ATXN7L1: variants seen among roughly 807,000 people sequenced by gnomAD.
ATXN7L1 encodes the protein ataxin 7 like 1, also known as ataxin-7-like protein 1.
Under a neutral mutation model 70.8 loss-of-function variants are expected in ATXN7L1, and 15 were observed. The observed-to-expected ratio is 0.21, with a 90% CI of 0.14 to 0.33. ATXN7L1 has a LOEUF of 0.33. Ranked by LOEUF, ATXN7L1 falls within the 10% of genes least tolerant of loss-of-function variation. ATXN7L1 has a pLI of 1.00. For synonymous variants in ATXN7L1, 440 were observed against 445.1 expected (o/e 0.99, Z 0.14); for missense variants, 975 against 1,097.1 (o/e 0.89, Z 1.57).
At chr7:105,733,532 A>T (rs1460735343) in intron 3 of ATXN7L1, among the ~76,000 whole-genome samples, 4 of 139,214 alleles carry the variant, frequency 2.9e-5, no homozygotes, top group African/African-American at 8.2e-5. Flanking sequence ...CCATCCATCC[A>T]TCCATCCACC....
chr7:105,763,919 T>C (rs559153868), intron 3 of ATXN7L1, among the ~76,000 whole-genome samples: 1 of 152,206 alleles, frequency 6.6e-6, no homozygotes, highest in Non-Finnish European at 1.5e-5. Context: ...AATGGCGTGT[T>C]CTCGGTTCAC....
At chr7:105,634,618 A>C (rs1797095385) in intron 7 of ATXN7L1, among the ~76,000 whole-genome samples, 2 of 152,080 alleles carry the variant, frequency 1.3e-5, no homozygotes, top group Admixed American at 1.3e-4. Context: ...TGCCTTCCTA[A>C]ATATTGGGAT....
chr7:105,744,883 G>A (rs1020985781), intron 3 of ATXN7L1, among the ~76,000 whole-genome samples: 1 of 151,560 alleles, frequency 6.6e-6, no homozygotes, highest in South Asian at 2.1e-4. Context: ...GATTACAGGC[G>A]CCCACCACCA....
At chr7:105,733,680 A>ATT (rs1191380512) in intron 3 of ATXN7L1, among the ~76,000 whole-genome samples, 2 of 101,064 alleles carry the variant, frequency 2.0e-5, no homozygotes, top group Non-Finnish European at 2.1e-5. Context: ...CCATCCATCC[A>ATT]CCCATCCACC....
chr7:105,715,375 C>G (rs775533712), intron 3 of ATXN7L1, among the ~76,000 whole-genome samples: 1 of 152,186 alleles, frequency 6.6e-6, no homozygotes, highest in Non-Finnish European at 1.5e-5. Context: ...TATCTAGCAC[C>G]CAGGAAAGAC....
At chr7:105,627,216 A>T (rs1165797580) in intron 7 of ATXN7L1, among the ~76,000 whole-genome samples, 1 of 152,048 alleles carries the variant, frequency 6.6e-6, no homozygotes, top group Admixed American at 6.6e-5. Flanking sequence ...TATATAGAAA[A>T]TTGCCTTTCT....
chr7:105,805,353 T>C (rs1339881160), intron 2 of ATXN7L1, among the ~76,000 whole-genome samples: 1 of 152,116 alleles, frequency 6.6e-6, no homozygotes, highest in Non-Finnish European at 1.5e-5. Context: ...CTTGGTAAGT[T>C]GGATATGCAG....
chr7:105,655,390 G>T (rs926660131), intron 4 of ATXN7L1, among the ~76,000 whole-genome samples: 2 of 152,170 alleles, frequency 1.3e-5, no homozygotes, highest in African/African-American at 4.8e-5. Flanking sequence ...GCAAACAAGT[G>T]GGAGCCATCA....
At chr7:105,730,293 ATAT>A (rs1418953246) in intron 3 of ATXN7L1, among the ~76,000 whole-genome samples, 2 of 152,200 alleles carry the variant, frequency 1.3e-5, no homozygotes, top group African/African-American at 2.4e-5. Context: ...CCCCCAAAAC[ATAT>A]AACCCAAGTC....
intron 2 of ATXN7L1, among the ~76,000 whole-genome samples, chr7:105,852,712 C>G (rs772175068): frequency 3.3e-5 from 5 of 151,690 alleles, no homozygotes; most frequent in African/African-American, 4.8e-5. Context: ...CTCTCCAGGT[C>G]TCTGTTTGAC....
At chr7:105,816,563 A>C (rs1435183741) in intron 2 of ATXN7L1, among the ~76,000 whole-genome samples, 1 of 152,206 alleles carries the variant, frequency 6.6e-6, no homozygotes, top group Non-Finnish European at 1.5e-5. Context: ...GCACTCTTGC[A>C]ATGCTCCTTT....
intron 2 of ATXN7L1, among the ~76,000 whole-genome samples, chr7:105,825,620 G>GTTTTTTTTTTTTTTTTTT (rs1276590419): frequency 6.6e-6 from 1 of 151,506 alleles, no homozygotes; most frequent in African/African-American, 2.4e-5. Context: ...CAATAAGCAT[G>GTTTTTTTTTTTTTTTTTT]TTTTTAAGAC....
intron 2 of ATXN7L1, among the ~76,000 whole-genome samples, chr7:105,854,305 C>A (rs1163751880): frequency 6.6e-6 from 1 of 152,094 alleles, no homozygotes. Context: ...ACCACCTCTC[C>A]TCCCGCTAGT....
intron 2 of ATXN7L1, among the ~76,000 whole-genome samples, chr7:105,859,512 T>C (rs1408285896): frequency 3.3e-5 from 5 of 152,150 alleles, no homozygotes; most frequent in African/African-American, 9.7e-5. Flanking sequence ...TTTTTTACTG[T>C]ACCTTTTCTA....
Position 105,667,417 on chromosome 7 carries a change from T to C in ATXN7L1, c.356-2129A>G, listed in dbSNP as rs372099730. ...GAACTGTATCTTAAAAGTCAACTAG[T>C]GGCCGGGCGCGGTGGCTCACGCCTG... On this transcript the variant is annotated intron_variant, in intron 3 of 11. Coordinates refer to ENST00000419735, the MANE Select transcript of ATXN7L1 (RefSeq NM_020725.2). Among the ~76,000 whole-genome samples the C allele has an allele frequency of 4.6e-4, 67 of 144,582 alleles. 8 individuals carry two copies. Among genetic ancestry groups the C allele is most frequent in the African/African-American group, 1.5e-3 (62 of 40,976 alleles). 94.9% of individuals were successfully genotyped at this position (144,582 alleles called of 152,430 possible).
intron 3 of ATXN7L1, among the ~76,000 whole-genome samples, chr7:105,755,314 C>T (rs1379464568): frequency 6.6e-6 from 1 of 152,184 alleles, no homozygotes; most frequent in Non-Finnish European, 1.5e-5. Context: ...ATGGCACTTT[C>T]AGGGGCAACA....
Position 105,606,062 on chromosome 7 carries a change from AAAAAAG to A in ATXN7L1, c.*1784_*1789del, listed in dbSNP as rs1304672202. 2 of 151,680 alleles carry A rather than the reference AAAAAAG, an allele frequency of 1.3e-5. No individual in the cohort carries two copies. Among genetic ancestry groups the A allele is most frequent in the African/African-American group, 4.8e-5 (2 of 41,314 alleles). 9.4% of individuals were successfully genotyped at this position (151,680 alleles called of 1,614,324 possible). A position where few individuals can be genotyped will look rare whatever the true frequency, so the allele number is the denominator to read the frequency against. Reference sequence around the variant, plus strand: ...AAATCTCCTTAACCTTTTTTTTTTAAAAAAAGAAAAAGTAACAATCATCCCTTCAAT... The same window carrying A: ...AAATCTCCTTAACCTTTTTTTTTTAAAAAAAGTAACAATCATCCCTTCAAT... On this transcript the variant is annotated 3_prime_UTR_variant, in exon 12 of 12. Coordinates refer to ENST00000419735, the MANE Select transcript of ATXN7L1 (RefSeq NM_020725.2).
intron 3 of ATXN7L1, among the ~76,000 whole-genome samples, chr7:105,768,494 T>C (rs1801569192): frequency 6.6e-6 from 1 of 151,942 alleles, no homozygotes; most frequent in Non-Finnish European, 1.5e-5. Flanking sequence ...CTCAGAATAC[T>C]AACAAGCGAC....
intron 3 of ATXN7L1, among the ~76,000 whole-genome samples, chr7:105,767,133 GA>G (rs2116428468): frequency 6.6e-6 from 1 of 152,258 alleles, no homozygotes; most frequent in South Asian, 2.1e-4. Context: ...CCAGAGCAGA[GA>G]AAGTATAATA....
Sources: allele counts gnomAD v4.1 joint callset (sites outside exome capture counted in the v4.1 genomes callset), GRCh38; gene constraint gnomAD v4.1.1; transcripts MANE v1.5; gene names NCBI Gene and HGNC (gene_info 2026-07-23, HGNC 2026-07-21).